Variants in MCF2L observed in about 807,000 individuals in gnomAD.
MCF2L encodes the protein guanine nucleotide exchange factor DBS.
Under a neutral mutation model 153.4 loss-of-function variants are expected in MCF2L, and 97 were observed. The observed-to-expected ratio is 0.63, with a 90% CI of 0.54 to 0.75. MCF2L has a LOEUF of 0.75. Among genes scored for constraint, MCF2L ranks in the 30% least tolerant of loss-of-function variants. The pLI, the probability that MCF2L is intolerant of heterozygous loss-of-function variation, is 0.00. For synonymous variants in MCF2L, 659 were observed against 632.2 expected (o/e 1.04, Z -0.64); for missense variants, 1,347 against 1,495.2 (o/e 0.90, Z 1.64).
intron 12 of MCF2L, 76 bp from the exon 13 acceptor site, chr13:113,076,976 C>T (rs2033558307): frequency 1.1e-5 from 16 of 1,488,246 alleles, no homozygotes; most frequent in African/African-American, 1.4e-5. Context: ...TGCCCCGGCA[C>T]GTTCTGCGCC....
At chr13:113,001,851 T>C in intron 1 of MCF2L, 2 of 1,535,208 alleles carry the variant, frequency 1.3e-6, no homozygotes, top group South Asian at 1.2e-5. Context: ...CCATCCTTTG[T>C]GTGCCCGGGA....
chr13:113,089,962 C>G (rs554476322), intron 26 of MCF2L: 3 of 1,596,726 alleles, frequency 1.9e-6, no homozygotes, highest in East Asian at 2.2e-5. Flanking sequence ...GAGCCTCGGC[C>G]GAGCGTGCAA....
intron 26 of MCF2L, 34 bp from the exon 27 acceptor site, chr13:113,094,480 C>CG (rs756570896): frequency 1.8e-5 from 28 of 1,590,118 alleles, no homozygotes; most frequent in Non-Finnish European, 2.3e-5. Context: ...GGCTCATCAC[C>CG]GGGGGGTCCC....
At chr13:112,897,972 TCCAGCC>T (rs199767906) in intron 1 of MCF2L, among the ~76,000 whole-genome samples, 3,626 of 152,216 alleles carry the variant, frequency 0.024, 152 homozygotes, top group African/African-American at 0.083. Flanking sequence ...ATGTGGCCCG[TCCAGCC>T]CCAGCCCCGG....
intron 4 of MCF2L, among the ~76,000 whole-genome samples, chr13:113,047,774 C>T (rs1019994828): frequency 1.3e-5 from 2 of 152,226 alleles, no homozygotes; most frequent in African/African-American, 2.4e-5. Flanking sequence ...GTGCCCCGTC[C>T]CCTCTGCTCA....
Position 113,096,694 on chromosome 13 carries a change from A to AGGGCCCGGGCGAGGAAGCTGCCCC in MCF2L, c.3292+43_3293-55dup, listed in dbSNP as rs759981824. ...CCCGAGCCCACCCGTGACGCTGCCA[A>AGGGCCCGGGCGAGGAAGCTGCCCC]GGGCCCGGGCGAGGAAGCTGCCCCG... is the stretch of plus-strand genomic sequence containing the variant. On this transcript the variant is annotated intron_variant, in intron 29 of 29. Coordinates refer to ENST00000535094, the MANE Select transcript of MCF2L (RefSeq NM_001112732.3). 7.1e-6 allele frequency: 11 copies of AGGGCCCGGGCGAGGAAGCTGCCCC among 1,558,752 alleles called. No homozygotes were observed. In the East Asian group the frequency reaches 2.4e-4, roughly 33 times the overall value.
chr13:112,902,100 G>A (rs1241456023), intron 1 of MCF2L: 11 of 864,638 alleles, frequency 1.3e-5, no homozygotes, highest in Admixed American at 5.0e-5. Flanking sequence ...TAAATACCAC[G>A]AAGGTTGTAA....
chr13:113,033,555 G>T (rs536332336), intron 3 of MCF2L, among the ~76,000 whole-genome samples: 1 of 152,148 alleles, frequency 6.6e-6, no homozygotes, highest in African/African-American at 2.4e-5. Flanking sequence ...TGCTGTAAAG[G>T]GTCGCCCCGC....
At chr13:112,909,192 A>T in intron 2 of MCF2L, 1 of 778,952 alleles carries the variant, frequency 1.3e-6, no homozygotes, top group Non-Finnish European at 2.4e-6. Context: ...CCTGTTCCCG[A>T]GGGAGCCCCT....
chr13:112,938,240 G>A (rs1412872106), intron 2 of MCF2L, among the ~76,000 whole-genome samples: 1 of 109,764 alleles, frequency 9.1e-6, no homozygotes, highest in African/African-American at 3.8e-5. Context: ...GCGCTGAGGG[G>A]TTGGTTCAGG....
chr13:112,967,084 G>A (rs1170419821), upstream of MCF2L, among the ~76,000 whole-genome samples: 1 of 150,012 alleles, frequency 6.7e-6, no homozygotes, highest in Non-Finnish European at 1.5e-5. Context: ...CAGGGAGGGT[G>A]TTGTGCCTTA....
chr13:112,982,442 G>A lies in MCF2L; in HGVS notation c.79+12984G>A, dbSNP rs538161772. Among the ~76,000 whole-genome samples, 6 of 152,316 alleles carry A rather than the reference G, an allele frequency of 3.9e-5. No individual in the cohort carries two copies. In the South Asian group the frequency reaches 1.0e-3, roughly 26 times the overall value. On this transcript the variant is annotated intron_variant, in intron 1 of 29. Coordinates refer to ENST00000535094, the MANE Select transcript of MCF2L (RefSeq NM_001112732.3). Reference sequence around the variant, plus strand: ...GCAGCAGGGGACCTAGGGATGGAGCGAGCCCAGGCTCCGTGGCAGGTGGCC... The same window carrying A: ...GCAGCAGGGGACCTAGGGATGGAGCAAGCCCAGGCTCCGTGGCAGGTGGCC...
chr13:112,914,000 C>T (rs926183937), intron 2 of MCF2L, among the ~76,000 whole-genome samples: 8 of 152,196 alleles, frequency 5.3e-5, no homozygotes, highest in African/African-American at 1.7e-4. Context: ...TGCGTTGGGA[C>T]GTAATTCCCC....
intron 1 of MCF2L, among the ~76,000 whole-genome samples, chr13:112,980,541 C>T (rs1206232863): frequency 1.3e-5 from 2 of 150,082 alleles, no homozygotes; most frequent in African/African-American, 4.9e-5. Flanking sequence ...AGGGAGGCAG[C>T]GAACACATCC....
upstream of MCF2L, chr13:112,968,904 A>G (rs1236725793): frequency 3.2e-6 from 2 of 624,654 alleles, no homozygotes; most frequent in Non-Finnish European, 5.0e-6. Context: ...TTTCTAGGTG[A>G]CCTTGGCGGT....
chr13:113,008,484 CT>C (rs1388774647), intron 1 of MCF2L, among the ~76,000 whole-genome samples: 1 of 152,086 alleles, frequency 6.6e-6, no homozygotes, highest in Non-Finnish European at 1.5e-5. Flanking sequence ...GGAATTAAGT[CT>C]TTTTAAAATC....
intron 2 of MCF2L, among the ~76,000 whole-genome samples, chr13:112,963,568 CTGCATGT>C (rs557886658): frequency 1.3e-5 from 2 of 152,338 alleles, no homozygotes; most frequent in East Asian, 3.9e-4. Context: ...CCAGCCAGTC[CTGCATGT>C]TGCTGCTCCA....
intron 1 of MCF2L, among the ~76,000 whole-genome samples, chr13:113,005,839 C>T (rs9577419): frequency 0.039 from 5,941 of 152,198 alleles, 325 homozygotes; most frequent in African/African-American, 0.12. Context: ...AGCACGTGTG[C>T]GCCTTAAATA....
In MCF2L at chr13:113,097,397, A is replaced by C. The variant is rs1268466965; in HGVS notation, c.*538A>C. ...ACAATTTGATACTGTATTTGATAGA[A>C]AACTATTTTTTTGTTACCGGGGTTT... On this transcript the variant is annotated 3_prime_UTR_variant, in exon 30 of 30. Coordinates refer to ENST00000535094, the MANE Select transcript of MCF2L (RefSeq NM_001112732.3). The C allele has an allele frequency of 6.6e-6, 1 of 152,430 alleles. No homozygotes were observed. Among genetic ancestry groups the C allele is most frequent in the Non-Finnish European group, 1.5e-5 (1 of 68,194 alleles). 9.4% of individuals were successfully genotyped at this position (152,430 alleles called of 1,614,324 possible).
Sources: gnomAD v4.1 joint callset for allele counts (sites outside exome capture counted in the v4.1 genomes callset) on GRCh38, gnomAD v4.1.1 for gene constraint, MANE v1.5 for transcripts, NCBI Gene and HGNC (gene_info 2026-07-23, HGNC 2026-07-21) for gene names.